MINDY4B: variants seen among roughly 807,000 people sequenced by gnomAD.
MINDY4B encodes the protein inactive ubiquitin carboxyl-terminal hydrolase MINDY-4B.
Under a neutral mutation model 16.7 loss-of-function variants are expected in MINDY4B, and 25 were observed. The observed-to-expected ratio is 1.49, with a 90% CI of 1.09 to 2.09. MINDY4B has a LOEUF of 2.09. Ranked by LOEUF, MINDY4B falls within the 30% of genes most tolerant of loss-of-function variation. MINDY4B has a pLI of 0.00. For synonymous variants in MINDY4B, 132 were observed against 61.9 expected, an observed-to-expected ratio of 2.13 and a Z score of -5.32; for missense variants, 327 against 168.4, an observed-to-expected ratio of 1.94 and a Z score of -5.21.
chr3:150,900,324 C>G (rs1186707522), intron 3 of MINDY4B, among the ~76,000 whole-genome samples: 1 of 152,206 alleles, frequency 6.6e-6, no homozygotes, highest in Admixed American at 6.5e-5. Context: ...AGCAAAGAGA[C>G]AGTGTGTGCC....
At chr3:150,879,684 TAAAC>T (rs1167085222) in intron 10 of MINDY4B, among the ~76,000 whole-genome samples, 1 of 152,156 alleles carries the variant, frequency 6.6e-6, no homozygotes, top group African/African-American at 2.4e-5. Flanking sequence ...ACTAGAGCAT[TAAAC>T]AAAGTATAGG....
intron 5 of MINDY4B, among the ~76,000 whole-genome samples, chr3:150,892,782 T>A (rs1318629449): frequency 5.8e-5 from 8 of 138,264 alleles, no homozygotes; most frequent in African/African-American, 1.3e-4. Flanking sequence ...CTAGCTCTAC[T>A]AAAAAAAAAA....
chr3:150,889,447 G>A (rs1012344195), intron 7 of MINDY4B, among the ~76,000 whole-genome samples: 12 of 152,074 alleles, frequency 7.9e-5, no homozygotes, highest in Non-Finnish European at 1.6e-4. Flanking sequence ...TGATTCCACC[G>A]GGCCCACCTG....
At chr3:150,883,322 G>A (rs535049652) in intron 9 of MINDY4B, among the ~76,000 whole-genome samples, 5 of 151,900 alleles carry the variant, frequency 3.3e-5, no homozygotes, top group East Asian at 1.9e-4. Context: ...TCTTTTAAAC[G>A]TTGTTTTCCA....
chr3:150,886,331 T>C (rs1711620615), intron 7 of MINDY4B, among the ~76,000 whole-genome samples: 1 of 152,218 alleles, frequency 6.6e-6, no homozygotes, highest in African/African-American at 2.4e-5. Context: ...TTTCCCTTTA[T>C]GGATTAATGT....
In MINDY4B at chr3:150,900,635, AT is replaced by A. The variant is rs1010886925; in HGVS notation, c.309+2613del. Among the ~76,000 whole-genome samples, 422 of 151,744 alleles carry A rather than the reference AT, an allele frequency of 2.8e-3. 4 individuals carry two copies. Among genetic ancestry groups the A allele is most frequent in the African/African-American group, 9.3e-3 (384 of 41,416 alleles). ...ATATAATGGGAATAAATCCAAATTT[AT>A]TTTTTTTTAAAGAAAAATCAATTAT... On this transcript the variant is annotated intron_variant, in intron 3 of 11. Transcript: ENST00000465419.
intron 10 of MINDY4B, among the ~76,000 whole-genome samples, chr3:150,873,989 A>G (rs1227922770): frequency 6.7e-6 from 1 of 149,356 alleles, no homozygotes; most frequent in Non-Finnish European, 1.5e-5. Context: ...AGTACTTGTC[A>G]ATCAATTTAG....
chr3:150,884,379 C>G (rs1225075884), intron 8 of MINDY4B, among the ~76,000 whole-genome samples: 1 of 152,150 alleles, frequency 6.6e-6, no homozygotes, highest in African/African-American at 2.4e-5. Context: ...GAGCTTATGT[C>G]CTTCTGTGAA....
At chr3:150,879,107 C>T (rs545376880) in intron 10 of MINDY4B, among the ~76,000 whole-genome samples, 16 of 152,286 alleles carry the variant, frequency 1.1e-4, no homozygotes, top group East Asian at 9.7e-4. Flanking sequence ...CTGTTAAAAA[C>T]GAACCGAAAG....
chr3:150,891,178 C>T (rs975184363), intron 5 of MINDY4B, 75 bp from the exon 6 acceptor site: 18 of 657,298 alleles, frequency 2.7e-5, no homozygotes, highest in African/African-American at 2.5e-4. Context: ...AAGTAATTTG[C>T]TCCTGGTCAT....
Position 150,870,978 on chromosome 3 carries a change from C to T in MINDY4B, c.*67G>A. The T allele has an allele frequency of 4.6e-6, 3 of 655,956 alleles. No homozygotes were observed. Among genetic ancestry groups the T allele is most frequent in the Non-Finnish European group, 5.5e-6 (2 of 363,708 alleles). 40.6% of individuals were successfully genotyped at this position (655,956 alleles called of 1,614,324 possible). A position where few individuals can be genotyped will look rare whatever the true frequency, so the allele number is the denominator to read the frequency against. ...GAAATATGGAAACGATTGGTCTCCC[C>T]CACATTAGGCTTTTGCATCCCAGCA... On this transcript the variant is annotated 3_prime_UTR_variant, in exon 12 of 12. Transcript: ENST00000465419.
At chr3:150,897,972 G>A (rs991200006) in intron 3 of MINDY4B, among the ~76,000 whole-genome samples, 1 of 152,190 alleles carries the variant, frequency 6.6e-6, no homozygotes, top group African/African-American at 2.4e-5. Context: ...CCCAACTCAA[G>A]GGCAAAGAAG....
intron 10 of MINDY4B, among the ~76,000 whole-genome samples, chr3:150,874,177 G>A (rs956172868): frequency 6.6e-6 from 1 of 151,896 alleles, no homozygotes; most frequent in Non-Finnish European, 1.5e-5. Context: ...CATCATGCCC[G>A]ACTAATTTTT....
intron 10 of MINDY4B, 103 bp downstream of exon 10, chr3:150,882,794 G>C: frequency 1.9e-6 from 1 of 516,006 alleles, no homozygotes; most frequent in East Asian, 3.2e-5. Flanking sequence ...CAGACAGTAA[G>C]GGAGAAAGTA....
Position 150,890,910 on chromosome 3 carries a change from C to A in MINDY4B, c.687+28G>T, listed in dbSNP as rs772183543. 22 of 697,794 alleles carry A rather than the reference C, an allele frequency of 3.2e-5. No homozygotes were observed. In the South Asian group the frequency reaches 3.3e-4, roughly 10 times the overall value. The allele number at this position is 697,794 out of a possible 1,614,324, so 43.2% of individuals were successfully genotyped here. On this transcript the variant is annotated intron_variant, in intron 6 of 11. Coordinates refer to ENST00000465419, the MANE Select transcript of MINDY4B (RefSeq NM_001351281.2). Reference sequence around the variant, plus strand: ...TGCTCAGGCTTCACTGGCCTTTCATCTGCCAGGACAGGGAGAACTGCACTT... The same window carrying A: ...TGCTCAGGCTTCACTGGCCTTTCATATGCCAGGACAGGGAGAACTGCACTT...
chr3:150,882,642 TA>T (rs1387134376), intron 10 of MINDY4B, among the ~76,000 whole-genome samples: 1 of 151,906 alleles, frequency 6.6e-6, no homozygotes, highest in Admixed American at 6.6e-5. Flanking sequence ...AATATTGCTT[TA>T]AAAATGTATG....
chr3:150,886,068 C>T (rs1711615017), intron 7 of MINDY4B, among the ~76,000 whole-genome samples: 1 of 152,204 alleles, frequency 6.6e-6, no homozygotes, highest in Non-Finnish European at 1.5e-5. Flanking sequence ...CTCTAATGCA[C>T]TTCTCCCCTG....
intron 6 of MINDY4B, 144 bp downstream of exon 6, chr3:150,890,794 C>G (rs1576613147): frequency 1.7e-6 from 1 of 591,440 alleles, no homozygotes; most frequent in Non-Finnish European, 3.1e-6. Context: ...TCACTTACAG[C>G]CCTTGGTACC....
chr3:150,882,833 A>G (rs1711543671), intron 10 of MINDY4B, 64 bp downstream of exon 10: 2 of 602,598 alleles, frequency 3.3e-6, no homozygotes, highest in Non-Finnish European at 6.1e-6. Context: ...CTAAATAGAC[A>G]GACTTTTAAA....
Sources: allele counts gnomAD v4.1 joint callset (sites outside exome capture counted in the v4.1 genomes callset), GRCh38; gene constraint gnomAD v4.1.1; transcripts MANE v1.5; gene names NCBI Gene and HGNC (gene_info 2026-07-23, HGNC 2026-07-21).